The following KCNMA1 variants were observed in gnomAD, a reference collection of about 807,000 sequenced individuals.
KCNMA1 encodes the protein potassium calcium-activated channel subfamily M alpha 1.
KCNMA1 carries 29 observed loss-of-function variants against 140.0 expected under a neutral mutation model. The observed-to-expected ratio is 0.21, with a 90% confidence interval of 0.15 to 0.28. The LOEUF (loss-of-function observed/expected upper bound fraction) is 0.28, where lower values mean the gene tolerates loss of function less well. Among genes scored for constraint, KCNMA1 ranks in the 10% least tolerant of loss-of-function variants. The pLI is 1.00. For synonymous variants in KCNMA1, 612 were observed against 611.9 expected, an observed-to-expected ratio of 1.00 and a Z score of 0.00; for missense variants, 880 against 1,602.2, an observed-to-expected ratio of 0.55 and a Z score of 7.70.
chr10:77,553,634 C>T (rs2063393221), intron 1 of KCNMA1, among the ~76,000 whole-genome samples: 1 of 152,348 alleles, frequency 6.6e-6, no homozygotes, highest in South Asian at 2.1e-4. Flanking sequence ...GGGCATCCCA[C>T]ACCCAGAAAG....
At chr10:77,122,917 G>A (rs1355241310) in intron 5 of KCNMA1, among the ~76,000 whole-genome samples, 2 of 152,082 alleles carry the variant, frequency 1.3e-5, no homozygotes, top group African/African-American at 4.8e-5. Context: ...GGTGGCTCAT[G>A]CCTGTAATCC....
Position 77,637,740 on chromosome 10 carries a change from TGCCGCCGCC to T in KCNMA1, c.-107_-99del. ...TCAACAGCCATATTGCTGCTACTGC[TGCCGCCGCC>T]GCCGCCGCCGCGGAGCGCGGGAGGG... On this transcript the variant is annotated 5_prime_UTR_variant, in exon 1 of 28. Transcript: ENST00000286628. The T allele has an allele frequency of 4.6e-6, 6 of 1,300,674 alleles. No homozygotes were observed. Among genetic ancestry groups the T allele is most frequent in the South Asian group, 2.6e-5 (1 of 38,234 alleles). The allele number at this position is 1,300,674 out of a possible 1,614,324, so 80.6% of individuals were successfully genotyped here.
chr10:77,181,834 A>G (rs1199039949), intron 5 of KCNMA1, among the ~76,000 whole-genome samples: 1 of 152,214 alleles, frequency 6.6e-6, no homozygotes, highest in African/African-American at 2.4e-5. Flanking sequence ...TCCAAAACAA[A>G]AACTTTTCCT....
At chr10:77,194,694 C>T (rs1043819984) in intron 3 of KCNMA1, among the ~76,000 whole-genome samples, 2 of 152,002 alleles carry the variant, frequency 1.3e-5, no homozygotes, top group African/African-American at 4.8e-5. Flanking sequence ...TATTACAGTT[C>T]CAACTCTTGT....
intron 14 of KCNMA1, among the ~76,000 whole-genome samples, chr10:77,054,584 C>T (rs946721342): frequency 5.9e-5 from 9 of 152,190 alleles, no homozygotes; most frequent in African/African-American, 2.2e-4. Flanking sequence ...TAATTAGTTA[C>T]ATCCACTTCC....
At chr10:77,020,608 C>G (rs1565584970) in intron 16 of KCNMA1, 1 of 152,362 alleles carries the variant, frequency 6.6e-6, no homozygotes, top group East Asian at 1.9e-4. Flanking sequence ...ATAAGCACCT[C>G]CTAATGACCC....
intron 16 of KCNMA1, 171 bp from the exon 17 acceptor site, chr10:77,019,270 G>C (rs1257381680): frequency 6.5e-6 from 4 of 617,340 alleles, no homozygotes; most frequent in Admixed American, 2.6e-5. Flanking sequence ...CATTTAGTTG[G>C]ATAATGCCAT....
intron 1 of KCNMA1, among the ~76,000 whole-genome samples, chr10:77,454,045 T>C (rs949525031): frequency 1.3e-5 from 2 of 152,138 alleles, no homozygotes; most frequent in Admixed American, 1.3e-4. Flanking sequence ...TCAAACTGTT[T>C]CCATACAACT....
chr10:77,053,201 G>C (rs185060586), intron 14 of KCNMA1, among the ~76,000 whole-genome samples: 1 of 152,146 alleles, frequency 6.6e-6, no homozygotes, highest in Admixed American at 6.5e-5. Context: ...GCAAGTTCAA[G>C]TCAATAATAC....
intron 24 of KCNMA1, chr10:76,910,981 T>C (rs1474629456): frequency 6.6e-6 from 1 of 152,132 alleles, no homozygotes; most frequent in African/African-American, 2.4e-5. Context: ...CCATCTTGGC[T>C]TTGGAAATTA....
rs530864941 is a variant in KCNMA1, at chr10:76,993,001, G to C, written c.2266+8406C>G. Among the ~76,000 whole-genome samples, 25 of 152,314 alleles carry C rather than the reference G, an allele frequency of 1.6e-4. No individual in the cohort carries two copies. The South Asian group carries it at 4.8e-3, about 29-fold the overall frequency. ...GACTTCCTGAGAAAGGAGGAGAAAA[G>C]TCTCCTTGCCATATACAGGGATTTA... On this transcript the variant is annotated intron_variant, in intron 19 of 27. Transcript: ENST00000286628.
intron 23 of KCNMA1, among the ~76,000 whole-genome samples, chr10:76,940,960 CGAAAGAAA>C (rs149461756): frequency 8.5e-6 from 1 of 118,152 alleles, no homozygotes; most frequent in African/African-American, 3.3e-5. Context: ...GACTCTACCT[CGAAAGAAA>C]GAAAGAAAGA....
intron 2 of KCNMA1, among the ~76,000 whole-genome samples, chr10:77,353,871 G>T (rs1342182523): frequency 1.3e-5 from 2 of 151,810 alleles, no homozygotes; most frequent in Non-Finnish European, 2.9e-5. Flanking sequence ...GGACATGAAC[G>T]CAGGCACAGT....
intron 1 of KCNMA1, among the ~76,000 whole-genome samples, chr10:77,460,390 T>C (rs1187361503): frequency 6.6e-6 from 1 of 152,076 alleles, no homozygotes; most frequent in African/African-American, 2.4e-5. Context: ...CACTAATGAG[T>C]ATCTACCGAA....
In KCNMA1 at chr10:77,493,277, G is replaced by A. The variant is rs959929428; in HGVS notation, c.379-89254C>T. Reference sequence around the variant, plus strand: ...TCTGACTCCACCCCAGGACAGGCATGGTGCTTCGAAAGCAGAAGTAAGGCA... The same window carrying A: ...TCTGACTCCACCCCAGGACAGGCATAGTGCTTCGAAAGCAGAAGTAAGGCA... On this transcript the variant is annotated intron_variant, in intron 1 of 27. Transcript: ENST00000286628. 3.7e-4 allele frequency among the ~76,000 whole-genome samples: 56 copies of A among 152,248 alleles called. 1 individual carries two copies. The highest frequency in any genetic ancestry group is 3.4e-3 in the Admixed American group (52 of 15,292).
Position 77,345,802 on chromosome 10 carries a change from G to A in KCNMA1, c.540+58060C>T, listed in dbSNP as rs11002131. On this transcript the variant is annotated intron_variant, in intron 2 of 27. Coordinates refer to ENST00000286628, the MANE Select transcript of KCNMA1 (RefSeq NM_001161352.2). The stretch of plus-strand genomic sequence containing the variant: ...CTGAACCCATTGAACACGGCTTTGT[G>A]CTTGAACCTTGAACAATGCCTGGGA... Among the ~76,000 whole-genome samples the A allele has an allele frequency of 1.5e-3, 223 of 152,280 alleles. 2 individuals carry two copies. The East Asian group carries it at 0.032, about 22-fold the overall frequency.
At chr10:76,943,959 A>T (rs958429293) in intron 23 of KCNMA1, among the ~76,000 whole-genome samples, 1 of 152,166 alleles carries the variant, frequency 6.6e-6, no homozygotes, top group Non-Finnish European at 1.5e-5. Context: ...TCTGGTCCCC[A>T]TCAGGCAGCC....
intron 1 of KCNMA1, among the ~76,000 whole-genome samples, chr10:77,408,208 G>C (rs1022758280): frequency 4.6e-5 from 7 of 152,146 alleles, no homozygotes; most frequent in Non-Finnish European, 8.8e-5. Context: ...CTTGCTCCTG[G>C]CCCCACAGGA....
chr10:76,953,929 G>C lies in KCNMA1; in HGVS notation c.2361-5C>G. The C allele has an allele frequency of 6.2e-7, 1 of 1,614,022 alleles. No homozygotes were observed. Among genetic ancestry groups the C allele is most frequent in the African/African-American group, 1.3e-5 (1 of 75,040 alleles). ...GGAATTAACAAGGGGTCATGCCTGGGAAGAAAAGGACAGGAAAACCTAAGT... is the reference window on the plus strand; with the variant it reads ...GGAATTAACAAGGGGTCATGCCTGGCAAGAAAAGGACAGGAAAACCTAAGT... On this transcript the variant is annotated splice_region_variant and splice_polypyrimidine_tract_variant and intron_variant, in intron 20 of 27. Coordinates refer to ENST00000286628, the MANE Select transcript of KCNMA1 (RefSeq NM_001161352.2).
Sources: allele counts gnomAD v4.1 joint callset (sites outside exome capture counted in the v4.1 genomes callset), GRCh38; gene constraint gnomAD v4.1.1; transcripts MANE v1.5; gene names NCBI Gene and HGNC (gene_info 2026-07-23, HGNC 2026-07-21).